Variants in PAK3 observed in about 807,000 individuals in gnomAD.
The protein encoded by PAK3 is p21 (RAC1) activated kinase 3.
Under a neutral mutation model 41.0 loss-of-function variants are expected in PAK3, and 4 were observed. The ratio of observed to expected loss-of-function variants is 0.10; its 90% CI spans 0.05 to 0.22. The LOEUF (loss-of-function observed/expected upper bound fraction) is 0.22, where lower values mean the gene tolerates loss of function less well. Ranked by LOEUF, PAK3 falls within the 10% of genes least tolerant of loss-of-function variation. The pLI, the probability that PAK3 is intolerant of heterozygous loss-of-function variation, is 1.00. For missense variants in PAK3, 205 were observed against 409.9 expected, an observed-to-expected ratio of 0.50 and a Z score of 4.32; for synonymous variants, 146 against 139.6, an observed-to-expected ratio of 1.05 and a Z score of -0.32.
At chrX:111,146,978 A>G (rs1385452002) in intron 6 of PAK3, among the ~76,000 whole-genome samples, 1 of 111,623 alleles carries the variant, frequency 9.0e-6, no homozygotes, top group Non-Finnish European at 1.9e-5. Flanking sequence ...ATTATTATAA[A>G]TTATCACAAG....
At chrX:110,989,576 T>C (rs2091606784) in intron 1 of PAK3, among the ~76,000 whole-genome samples, 1 of 112,302 alleles carries the variant, frequency 8.9e-6, no homozygotes, top group Non-Finnish European at 1.9e-5. Context: ...GTGATCCAGA[T>C]AGAGTCCAAG....
At position 110,978,590 on chromosome X, in the gene PAK3, T is replaced by C. The variant is rs1452935708; in HGVS notation, c.-28+33962T>C. Among the ~76,000 whole-genome samples, 3 of 112,092 alleles carry C rather than the reference T, an allele frequency of 2.7e-5. No individual in the cohort carries two copies. The East Asian group carries it at 8.3e-4, about 31-fold the overall frequency. On this transcript the variant is annotated intron_variant, in intron 1 of 14. Transcript: ENST00000425146. ...AATAATGCTGAATTCTATTGACTAATATTTTGTTAAGAATATTTGAATCAT... is the reference window on the plus strand; with the variant it reads ...AATAATGCTGAATTCTATTGACTAACATTTTGTTAAGAATATTTGAATCAT...
chrX:111,164,460 C>G (rs983336938), intron 10 of PAK3, among the ~76,000 whole-genome samples: 1 of 111,279 alleles, frequency 9.0e-6, no homozygotes, highest in African/African-American at 3.3e-5. Flanking sequence ...CAATACTCAG[C>G]TCAAAAGTTG....
chrX:111,128,818 G>A (rs1192868007), intron 5 of PAK3, among the ~76,000 whole-genome samples: 2 of 112,050 alleles, frequency 1.8e-5, no homozygotes, highest in Non-Finnish European at 3.8e-5. Context: ...TGAAAGAAAC[G>A]ATGGTGAGAA....
intron 1 of PAK3, among the ~76,000 whole-genome samples, chrX:110,996,202 T>C (rs909651798): frequency 8.9e-6 from 1 of 112,412 alleles, no homozygotes; most frequent in Non-Finnish European, 1.9e-5. Flanking sequence ...ACAGCCTTTG[T>C]TTTATCTGTC....
At chrX:111,139,776 G>A (rs1038694951) in intron 5 of PAK3, among the ~76,000 whole-genome samples, 1 of 112,132 alleles carries the variant, frequency 8.9e-6, no homozygotes, top group African/African-American at 3.2e-5. Context: ...TAGAAAAGTT[G>A]GGAGAGTTTA....
chrX:110,967,482 G>A (rs1489411071), intron 1 of PAK3, among the ~76,000 whole-genome samples: 1 of 111,265 alleles, frequency 9.0e-6, no homozygotes. Context: ...CTTAATGATT[G>A]CAGGGGCCTG....
chrX:111,078,483 A>T (rs972222309), intron 1 of PAK3, among the ~76,000 whole-genome samples: 5 of 111,007 alleles, frequency 4.5e-5, no homozygotes, highest in Admixed American at 9.6e-5. Context: ...GGCACCATGA[A>T]CTATGCCCAT....
At chrX:111,174,744 AT>A (rs1421973632) in intron 11 of PAK3, among the ~76,000 whole-genome samples, 4 of 111,828 alleles carry the variant, frequency 3.6e-5, no homozygotes, top group African/African-American at 1.3e-4. Context: ...AGCACTAACT[AT>A]GTTCCAGGCA....
At chrX:111,193,110 G>T (rs2094575271) in intron 13 of PAK3, among the ~76,000 whole-genome samples, 2 of 111,270 alleles carry the variant, frequency 1.8e-5, no homozygotes, top group African/African-American at 6.5e-5. Flanking sequence ...GTTATAAATA[G>T]GTATTTAAAG....
At chrX:111,152,356 T>G (rs2094040656) in intron 7 of PAK3, 54 bp from the exon 8 acceptor site, 1 of 845,071 alleles carries the variant, frequency 1.2e-6, no homozygotes, top group Non-Finnish European at 1.8e-6. Context: ...GTGTGGTCTC[T>G]GAATGAAACA....
intron 7 of PAK3, among the ~76,000 whole-genome samples, chrX:111,148,841 G>A (rs779690640): frequency 1.3e-4 from 14 of 110,309 alleles, no homozygotes; most frequent in Admixed American, 1.9e-4. Flanking sequence ...ATTCTGCCCC[G>A]GCCCCTCCAA....
At chrX:110,973,628 C>G (rs1301316168) in intron 1 of PAK3, among the ~76,000 whole-genome samples, 1 of 112,040 alleles carries the variant, frequency 8.9e-6, no homozygotes, top group Non-Finnish European at 1.9e-5. Flanking sequence ...TTGTAAAGAC[C>G]ATCAATGCTA....
chrX:111,008,589 C>A (rs1049057309), intron 1 of PAK3, among the ~76,000 whole-genome samples: 4 of 112,528 alleles, frequency 3.6e-5, no homozygotes, highest in Non-Finnish European at 7.5e-5. Flanking sequence ...GCACAGCCAT[C>A]AGAAGCATCA....
rs778786599 is a variant in PAK3, at chrX:111,107,543, T to C, written c.-28+4237T>C. On this transcript the variant is annotated intron_variant, in intron 4 of 17. Transcript: ENST00000372007. ...TCAGGAGCCTGGTGCAAGAGTCATG[T>C]GCCAACAGAGATTTGAAAACACAAG... Among the ~76,000 whole-genome samples the C allele has an allele frequency of 1.3e-3, 149 of 112,173 alleles. 1 individual carries two copies. Among genetic ancestry groups the C allele is most frequent in the African/African-American group, 4.7e-3 (146 of 30,894 alleles).
intron 7 of PAK3, among the ~76,000 whole-genome samples, chrX:111,151,127 TA>T (rs1401754246): frequency 8.9e-6 from 1 of 111,977 alleles, no homozygotes; most frequent in Non-Finnish European, 1.9e-5. Flanking sequence ...CCACATAGAA[TA>T]AAATATCTAA....
chrX:111,112,952 A>G (rs1357627873), intron 4 of PAK3, among the ~76,000 whole-genome samples: 1 of 111,860 alleles, frequency 8.9e-6, no homozygotes, highest in African/African-American at 3.2e-5. Context: ...TCTTACACAT[A>G]TTATTTTCTT....
intron 1 of PAK3, among the ~76,000 whole-genome samples, chrX:110,985,529 A>G (rs1602654394): frequency 8.9e-6 from 1 of 112,336 alleles, no homozygotes; most frequent in Non-Finnish European, 1.9e-5. Flanking sequence ...TATTCCACTC[A>G]TTGGCTCTAA....
chrX:111,129,088 A>G (rs2093685391), intron 5 of PAK3, among the ~76,000 whole-genome samples: 2 of 111,821 alleles, frequency 1.8e-5, no homozygotes, highest in Admixed American at 9.5e-5. Flanking sequence ...TACAACAATT[A>G]TATTAAAGAA....
Sources: gnomAD v4.1 joint callset for allele counts (sites outside exome capture counted in the v4.1 genomes callset) on GRCh38, gnomAD v4.1.1 for gene constraint, MANE v1.5 for transcripts, NCBI Gene and HGNC (gene_info 2026-07-23, HGNC 2026-07-21) for gene names.